PDK1: variants seen among roughly 807,000 people sequenced by gnomAD.
The protein encoded by PDK1 is pyruvate dehydrogenase kinase 1, also known as [Pyruvate dehydrogenase (acetyl-transferring)] kinase isozyme 1, mitochondrial.
In PDK1, 39 loss-of-function variants were observed where a neutral mutation model predicts 54.2. The ratio of observed to expected loss-of-function variants is 0.72; its 90% CI spans 0.56 to 0.94. The LOEUF (loss-of-function observed/expected upper bound fraction) is 0.94. Among genes scored for constraint, PDK1 ranks in the 40% least tolerant of loss-of-function variants. PDK1 has a pLI of 0.00. For synonymous variants in PDK1, 221 were observed against 207.1 expected (o/e 1.07, Z -0.58); for missense variants, 552 against 566.0 (o/e 0.98, Z 0.25).
At chr2:172,706,144 C>T in the PDK1 span, among the ~76,000 whole-genome samples, 1 of 152,182 alleles carries the variant, frequency 6.6e-6, no homozygotes, top group African/African-American at 2.4e-5. Flanking sequence ...CACCCTTGTC[C>T]CTCCTTACTA....
chr2:172,569,569 G>A (rs1183172685), intron 7 of PDK1, among the ~76,000 whole-genome samples: 2 of 152,108 alleles, frequency 1.3e-5, no homozygotes, highest in African/African-American at 2.4e-5. Flanking sequence ...AGGAAAGAGG[G>A]GGTGGCTTTC....
the PDK1 span, among the ~76,000 whole-genome samples, chr2:172,638,508 T>G: frequency 6.6e-6 from 1 of 152,232 alleles, no homozygotes; most frequent in African/African-American, 2.4e-5. Context: ...GTAAAATCTA[T>G]ATAATGGTCT....
At chr2:172,629,130 C>CA in the PDK1 span, among the ~76,000 whole-genome samples, 260 of 148,244 alleles carry the variant, frequency 1.8e-3, 2 homozygotes, top group Admixed American at 0.012. Context: ...GACCCCGGCT[C>CA]AAAAAAAAAA....
chr2:172,569,186 G>A (rs898952543), intron 7 of PDK1, among the ~76,000 whole-genome samples: 2 of 152,162 alleles, frequency 1.3e-5, no homozygotes, highest in Non-Finnish European at 2.9e-5. Flanking sequence ...CAGTGGCAAC[G>A]TATTACATAT....
the PDK1 span, among the ~76,000 whole-genome samples, chr2:172,664,250 G>T: frequency 7.6e-6 from 1 of 131,252 alleles, no homozygotes; most frequent in Non-Finnish European, 1.5e-5. Flanking sequence ...GGCAGAGGTT[G>T]CAAAGAGCCG....
chr2:172,564,231 T>G, intron 3 of PDK1: 1 of 489,108 alleles, frequency 2.0e-6, no homozygotes, highest in East Asian at 4.2e-5. Flanking sequence ...ACCATTAACA[T>G]TTTTTGGATT....
chr2:172,631,203 G>T, the PDK1 span, among the ~76,000 whole-genome samples: 1 of 152,276 alleles, frequency 6.6e-6, no homozygotes, highest in South Asian at 2.1e-4. Context: ...CCACATAAAC[G>T]TGTCTATTTT....
the PDK1 span, among the ~76,000 whole-genome samples, chr2:172,687,601 C>G: frequency 4.6e-5 from 7 of 152,178 alleles, no homozygotes; most frequent in Non-Finnish European, 4.4e-5. Flanking sequence ...ATCACCTCAT[C>G]AAGGCATGGT....
chr2:172,562,468 T>C (rs931634198), intron 3 of PDK1, among the ~76,000 whole-genome samples, 177 bp downstream of exon 3: 6 of 152,230 alleles, frequency 3.9e-5, no homozygotes, highest in Non-Finnish European at 8.8e-5. Flanking sequence ...ATGCTTCGTG[T>C]TCCTCTTTAA....
chr2:172,584,921 T>C (rs1389010974), intron 8 of PDK1, among the ~76,000 whole-genome samples: 4 of 151,732 alleles, frequency 2.6e-5, no homozygotes, highest in Admixed American at 2.0e-4. Flanking sequence ...CCCCCTGTTA[T>C]GGCCTCCCAA....
At chr2:172,562,324 C>G in intron 3 of PDK1, 33 bp downstream of exon 3, 1 of 1,303,234 alleles carries the variant, frequency 7.7e-7, no homozygotes, top group Non-Finnish European at 1.1e-6. Flanking sequence ...ATTCTTAAAC[C>G]TATTATTAGG....
At chr2:172,697,252 A>G in the PDK1 span, among the ~76,000 whole-genome samples, 1 of 152,212 alleles carries the variant, frequency 6.6e-6, no homozygotes, top group Non-Finnish European at 1.5e-5. Context: ...TTCTGTGACC[A>G]ATTCCCCAAG....
chr2:172,676,262 G>T, the PDK1 span, among the ~76,000 whole-genome samples: 3 of 152,100 alleles, frequency 2.0e-5, no homozygotes, highest in African/African-American at 7.2e-5. Flanking sequence ...AGTCTTATTT[G>T]AGAAATACAT....
At chr2:172,559,270 T>C (rs1688528237) in intron 2 of PDK1, among the ~76,000 whole-genome samples, 1 of 152,142 alleles carries the variant, frequency 6.6e-6, no homozygotes, top group Non-Finnish European at 1.5e-5. Context: ...AGTAGCAGTA[T>C]TCTTTTTTTG....
At chr2:172,704,531 G>C in the PDK1 span, among the ~76,000 whole-genome samples, 2 of 152,128 alleles carry the variant, frequency 1.3e-5, no homozygotes, top group Non-Finnish European at 2.9e-5. Context: ...CCCACAAGAG[G>C]GCAGTATTAA....
chr2:172,556,683 G>T, intron 1 of PDK1: 1 of 231,968 alleles, frequency 4.3e-6, no homozygotes, highest in Non-Finnish European at 8.3e-6. Context: ...GAGGCCGAGC[G>T]TGGGCACCCC....
At chr2:172,621,640 T>C in the PDK1 span, among the ~76,000 whole-genome samples, 1 of 146,464 alleles carries the variant, frequency 6.8e-6, no homozygotes, top group African/African-American at 2.5e-5. Flanking sequence ...CATATGTTTA[T>C]ATATCATATA....
chr2:172,658,778 A>C, the PDK1 span, among the ~76,000 whole-genome samples: 2 of 152,136 alleles, frequency 1.3e-5, no homozygotes, highest in Non-Finnish European at 2.9e-5. Context: ...CAGTACCCTC[A>C]GGCTTATTAG....
intron 8 of PDK1, among the ~76,000 whole-genome samples, chr2:172,577,479 G>A (rs928993237): frequency 5.3e-5 from 8 of 151,812 alleles, no homozygotes; most frequent in East Asian, 1.9e-4. Flanking sequence ...TATGTTTGCC[G>A]TTTTGTCTTC....
Sources: allele counts gnomAD v4.1 joint callset (sites outside exome capture counted in the v4.1 genomes callset), GRCh38; gene constraint gnomAD v4.1.1; transcripts MANE v1.5; gene names NCBI Gene and HGNC (gene_info 2026-07-23, HGNC 2026-07-21).